SLIT1: variants seen among roughly 807,000 people sequenced by gnomAD.
SLIT1 encodes the protein slit guidance ligand 1.
SLIT1 carries 66 observed loss-of-function variants against 186.1 expected under a neutral mutation model. The observed-to-expected ratio is 0.35, with a 90% CI of 0.29 to 0.44. The LOEUF (loss-of-function observed/expected upper bound fraction) is 0.44, where lower values mean the gene tolerates loss of function less well. SLIT1 is among the 20% of genes least tolerant of loss of function. The pLI, the probability that SLIT1 is intolerant of heterozygous loss-of-function variation, is 1.00. For missense variants in SLIT1, 1,638 were observed against 2,037.4 expected (o/e 0.80, Z 3.77); for synonymous variants, 761 against 833.8 (o/e 0.91, Z 1.50).
At position 97,149,046 on chromosome 10, in the gene SLIT1, C is replaced by G. The variant is rs185339835; in HGVS notation, c.413+8772G>C. 2.4e-4 allele frequency among the ~76,000 whole-genome samples: 37 copies of G among 152,344 alleles called. No individual in the cohort carries two copies. The East Asian group carries it at 6.7e-3, about 28-fold the overall frequency. On this transcript the variant is annotated intron_variant, in intron 4 of 36. Coordinates refer to ENST00000266058, the MANE Select transcript of SLIT1 (RefSeq NM_003061.3). ...GGATGACCCACTGACCGCTCGCCAC[C>G]CCCCCGTGGCCCTCCTTCAGGCCCC...
At chr10:97,064,579 A>G (rs759669883) in intron 6 of SLIT1, among the ~76,000 whole-genome samples, 5 of 152,112 alleles carry the variant, frequency 3.3e-5, no homozygotes, top group Non-Finnish European at 5.9e-5. Flanking sequence ...TTCCAGGCCA[A>G]GTGCCAGAAA....
At chr10:97,095,521 C>G (rs1352109639) in intron 4 of SLIT1, among the ~76,000 whole-genome samples, 1 of 152,002 alleles carries the variant, frequency 6.6e-6, no homozygotes, top group Non-Finnish European at 1.5e-5. Context: ...CTAGCATGTC[C>G]CAAATGAAAA....
chr10:97,012,555 G>A (rs896967132), intron 30 of SLIT1, among the ~76,000 whole-genome samples: 1 of 152,202 alleles, frequency 6.6e-6, no homozygotes, highest in Admixed American at 6.5e-5. Context: ...GCAGCTCCAG[G>A]CTGGACAACG....
chr10:97,048,852 TAGGTGGGCAGGTGGGCAGGTATGC>T (rs1848760396), intron 14 of SLIT1, 79 bp downstream of exon 14: 26 of 1,044,088 alleles, frequency 2.5e-5, no homozygotes, highest in Non-Finnish European at 3.2e-5. Context: ...AGCAGGCGGG[TAGGTGGGCAGGTGGGCAGGTATGC>T]AGGTGGACAA....
In SLIT1 at chr10:97,042,960, T is replaced by A; in HGVS notation, c.2105A>T (p.Asp702Val). 6.2e-7 allele frequency: 1 copy of A among 1,614,222 alleles called. No individual in the cohort carries two copies. The highest frequency in any genetic ancestry group is 1.1e-5 in the South Asian group (1 of 91,082). ...CTGCAGGGGAATCTGCCGCAAAAAGTCAGGGTTCTGGCATCGCGGGTTCCC... is the reference window on the plus strand; with the variant it reads ...CTGCAGGGGAATCTGCCGCAAAAAGACAGGGTTCTGGCATCGCGGGTTCCC... Reference protein sequence around the residue: ...VTGNPRCQNPDFLRQIPLQDV... With the variant: ...VTGNPRCQNPVFLRQIPLQDV... Residue 702 changes from aspartate (D) to valine (V), a missense_variant, in exon 20 of 37, where the codon GAC becomes GTC. By Grantham distance (152) the Asp-to-Val change is radical. Around this residue, in one of 3 missense-constraint regions of SLIT1, gnomAD observed 1,245 missense variants for 1,535.3 expected, o/e 0.81. Transcript: ENST00000266058.
Position 97,051,059 on chromosome 10 carries a change from C to A in SLIT1, c.1302-1941G>T, listed in dbSNP as rs189732703. 1.3e-3 allele frequency among the ~76,000 whole-genome samples: 191 copies of A among 152,320 alleles called. 2 individuals are homozygous for A. Among genetic ancestry groups the A allele is most frequent in the African/African-American group, 4.5e-3 (189 of 41,572 alleles). On this transcript the variant is annotated intron_variant, in intron 13 of 36. Coordinates refer to ENST00000266058, the MANE Select transcript of SLIT1 (RefSeq NM_003061.3). The stretch of plus-strand genomic sequence containing the variant: ...ACGTGCTGCATATGTGGCCACGCAG[C>A]TGCCTCCCTGAACAGTTCTGGCAGT...
Position 97,006,345 on chromosome 10 carries a change from C to G in SLIT1, c.3579+138G>C. ...TAGTTCAAGCTGAGATTTTGATACC[C>G]ATATGCAAAACGTTTTGATTACACA... is the stretch of plus-strand genomic sequence containing the variant. On this transcript the variant is annotated intron_variant, in intron 32 of 36. Coordinates refer to ENST00000266058, the MANE Select transcript of SLIT1 (RefSeq NM_003061.3). This position sits in a 1 kb window ranked among gnomAD's most constrained non-coding sequence, Gnocchi z 4.0. The G allele has an allele frequency of 4.7e-6, 3 of 635,498 alleles. No individual in the cohort carries two copies. Among genetic ancestry groups the G allele is most frequent in the Non-Finnish European group, 8.5e-6 (3 of 354,348 alleles). The allele number at this position is 635,498 out of a possible 1,614,324, so 39.4% of individuals were successfully genotyped here. A position where few individuals can be genotyped will look rare whatever the true frequency, so the allele number is the denominator to read the frequency against.
intron 4 of SLIT1, among the ~76,000 whole-genome samples, chr10:97,094,307 T>C (rs977289488): frequency 3.3e-5 from 5 of 152,350 alleles, no homozygotes; most frequent in African/African-American, 4.8e-5. Flanking sequence ...CTTCTATTTA[T>C]TTGGAAATTG....
At chr10:97,009,811 G>A (rs565235216) in intron 31 of SLIT1, among the ~76,000 whole-genome samples, 2 of 152,278 alleles carry the variant, frequency 1.3e-5, no homozygotes, top group South Asian at 4.1e-4. Flanking sequence ...ATTTGAAAAT[G>A]AGCAAAGAAC....
chr10:97,030,003 G>T (rs2134608045), intron 25 of SLIT1, among the ~76,000 whole-genome samples: 1 of 152,300 alleles, frequency 6.6e-6, no homozygotes, highest in African/African-American at 2.4e-5. Flanking sequence ...TATGTATGTA[G>T]TACGTTTTGT....
At chr10:97,168,678 A>G (rs2134734009) in intron 1 of SLIT1, among the ~76,000 whole-genome samples, 1 of 152,344 alleles carries the variant, frequency 6.6e-6, no homozygotes, top group African/African-American at 2.4e-5. Context: ...TCCAATTATA[A>G]ACAATATTGC....
In SLIT1 at chr10:97,002,346, G is replaced by A. The variant is rs1227675533; in HGVS notation, c.4178C>T (p.Pro1393Leu). Residue 1393 changes from proline to leucine, a missense_variant, in exon 36 of 37, where the codon CCC (proline) becomes CTC (leucine). Around this residue, in one of 3 missense-constraint regions of SLIT1, gnomAD observed 220 missense variants for 211.3 expected, o/e 1.04. Coordinates refer to ENST00000266058, the MANE Select transcript of SLIT1 (RefSeq NM_003061.3). The part of the protein sequence containing the change: ...GHKCVHGQCV[P>L]LDALSYSCQC... ...GCAGCTGTAGGAAAGAGCGTCGAGG[G>A]GCACGCATTGCCCATGGACACACCT... is the stretch of plus-strand genomic sequence containing the variant. 6.2e-7 allele frequency: 1 copy of A among 1,608,198 alleles called. No individual in the cohort carries two copies. The highest frequency in any genetic ancestry group is 8.5e-7 in the Non-Finnish European group (1 of 1,178,516).
Position 97,021,429 on chromosome 10 carries a change from A to G in SLIT1, c.2583-16T>C. 1 of 1,609,262 alleles carries G rather than the reference A, an allele frequency of 6.2e-7. No homozygotes were observed. The highest frequency in any genetic ancestry group is 8.5e-7 in the Non-Finnish European group (1 of 1,176,836). ...ACCAATGGCCCTGAGCAGAAAGCAG[A>G]GAGAAGCAGGCATTACAGCTTCATG... is the stretch of plus-strand genomic sequence containing the variant. On this transcript the variant is annotated splice_polypyrimidine_tract_variant and intron_variant, in intron 25 of 36. Transcript: ENST00000266058. This position sits in a 1 kb window ranked among gnomAD's most constrained non-coding sequence, Gnocchi z 4.5.
chr10:97,166,557 A>AAGAG (rs796735405), intron 1 of SLIT1, among the ~76,000 whole-genome samples: 153 of 55,154 alleles, frequency 2.8e-3, no homozygotes, highest in African/African-American at 7.2e-3. Flanking sequence ...GAAGGAAGGA[A>AAGAG]AGAGAGAGAG....
At chr10:97,182,538 G>A (rs1198530282) in intron 1 of SLIT1, among the ~76,000 whole-genome samples, 1 of 152,256 alleles carries the variant, frequency 6.6e-6, no homozygotes, top group Non-Finnish European at 1.5e-5. Context: ...GCTGCCTGGA[G>A]AACAGGCGGG....
rs917102496 is a variant in SLIT1 at position 97,184,039 on chromosome 10, C to CAA, written c.197+1438_197+1439insTT. ...TGCACCACACACACACACACACACA[C>CAA]ACACACACACACACACACACTTCCC... On this transcript the variant is annotated intron_variant, in intron 1 of 36. Coordinates refer to ENST00000266058, the MANE Select transcript of SLIT1 (RefSeq NM_003061.3). This position sits in a 1 kb window ranked among gnomAD's most constrained non-coding sequence, Gnocchi z 4.4. Among the ~76,000 whole-genome samples the CAA allele has an allele frequency of 6.6e-6, 1 of 151,410 alleles. No individual in the cohort carries two copies. Among genetic ancestry groups the CAA allele is most frequent in the African/African-American group, 2.4e-5 (1 of 41,160 alleles).
In SLIT1 at chr10:96,999,658, T is replaced by C. The variant is rs1333096248; in HGVS notation, c.*1454A>G. ...TGGCCTCACAAACCATCTTTCTACA[T>C]TTTCACTGTGTATGGAAGAGAAGAC... On this transcript the variant is annotated 3_prime_UTR_variant, in exon 37 of 37. Coordinates refer to ENST00000266058, the MANE Select transcript of SLIT1 (RefSeq NM_003061.3). The C allele has an allele frequency of 6.6e-6, 1 of 152,244 alleles. No homozygotes were observed. The highest frequency in any genetic ancestry group is 1.5e-5 in the Non-Finnish European group (1 of 68,060). 9.4% of individuals were successfully genotyped at this position (152,244 alleles called of 1,614,324 possible). A position where few individuals can be genotyped will look rare whatever the true frequency, so the allele number is the denominator to read the frequency against.
intron 1 of SLIT1, among the ~76,000 whole-genome samples, chr10:97,175,784 G>A (rs558060727): frequency 6.6e-6 from 1 of 151,894 alleles, no homozygotes; most frequent in African/African-American, 2.4e-5. Flanking sequence ...ATCCATGCAG[G>A]CCCCTGGGAG....
chr10:97,130,364 G>A (rs9665660), intron 4 of SLIT1, among the ~76,000 whole-genome samples: 16,191 of 152,222 alleles, frequency 0.11, 1,287 homozygotes, highest in African/African-American at 0.23. Flanking sequence ...CAGCCTCAGT[G>A]TTCATCCACG....
Sources: allele counts gnomAD v4.1 joint callset (sites outside exome capture counted in the v4.1 genomes callset), GRCh38; gene constraint gnomAD v4.1.1; regional missense constraint gnomAD v4.1.1; non-coding constraint Gnocchi (gnomAD v3.1); transcripts MANE v1.5; gene names NCBI Gene and HGNC (gene_info 2026-07-23, HGNC 2026-07-21).